The following DNAJC16 variants were observed in gnomAD, a reference collection of about 807,000 sequenced individuals.
DNAJC16 encodes the protein dnaJ homolog subfamily C member 16.
DNAJC16 carries 76 observed loss-of-function variants against 92.7 expected under a neutral mutation model. That is an observed-to-expected ratio of 0.82 (90% confidence interval 0.68 to 0.99). The LOEUF (loss-of-function observed/expected upper bound fraction) is 0.99, where lower values mean the gene tolerates loss of function less well. Among genes scored for constraint, DNAJC16 ranks in the 50% least tolerant of loss-of-function variants. The pLI is 0.00. For synonymous variants in DNAJC16, 328 were observed against 358.7 expected, an observed-to-expected ratio of 0.91 and a Z score of 0.97; for missense variants, 869 against 942.4, an observed-to-expected ratio of 0.92 and a Z score of 1.02.
At chr1:15,541,737 G>A (rs72645803) in intron 4 of DNAJC16, among the ~76,000 whole-genome samples, 41,633 of 152,084 alleles carry the variant, frequency 0.27, 6,529 homozygotes, top group African/African-American at 0.42. Flanking sequence ...AAGGATGCCC[G>A]TCAGCATTCC....
At chr1:15,561,550 T>G (rs1638691527) in intron 8 of DNAJC16, among the ~76,000 whole-genome samples, 1 of 151,048 alleles carries the variant, frequency 6.6e-6, no homozygotes, top group Non-Finnish European at 1.5e-5. Flanking sequence ...TTGGGTGAGG[T>G]GGTGCACGCC....
chr1:15,531,508 T>C (rs1710660185), intron 2 of DNAJC16, among the ~76,000 whole-genome samples: 1 of 152,322 alleles, frequency 6.6e-6, no homozygotes, highest in Middle Eastern at 3.4e-3. Flanking sequence ...TGCAGCAAAT[T>C]CATAAGGTAA....
intron 7 of DNAJC16, 38 bp from the exon 8 acceptor site, chr1:15,559,488 A>G (rs769829795): frequency 4.3e-6 from 7 of 1,612,392 alleles, no homozygotes; most frequent in South Asian, 1.1e-5. Context: ...CATTGAGAAC[A>G]CTGCATAAAA....
At chr1:15,553,523 C>T (rs946697911) in intron 7 of DNAJC16, among the ~76,000 whole-genome samples, 5 of 152,154 alleles carry the variant, frequency 3.3e-5, no homozygotes, top group East Asian at 1.9e-4. Flanking sequence ...CGTGAGTCAC[C>T]GCACCTGGCT....
rs201914457 is a variant in DNAJC16 at position 15,559,545 on chromosome 1, A to G, written c.1043A>G (p.Gln348Arg). The G allele has an allele frequency of 1.0e-4, 165 of 1,614,028 alleles. No homozygotes were observed. Among genetic ancestry groups the G allele is most frequent in the Non-Finnish European group, 1.3e-4 (159 of 1,180,010 alleles). ...DVIQARGMKK[Q>R]IIDDFITRNK... ...CTCTAGGCCCGAGGTATGAAGAAGC[A>G]AATCATTGACGACTTCATCACCCGA... Residue 348 changes from glutamine (Q) to arginine (R), a missense_variant, in exon 8 of 15, where the codon CAA becomes CGA. Transcript: ENST00000375847.
intron 8 of DNAJC16, among the ~76,000 whole-genome samples, chr1:15,561,444 G>A (rs561504027): frequency 1.3e-5 from 2 of 152,198 alleles, no homozygotes; most frequent in Admixed American, 6.5e-5. Context: ...CAGCACTTTG[G>A]GGGGCTGAGG....
intron 7 of DNAJC16, among the ~76,000 whole-genome samples, chr1:15,551,822 C>G (rs1557581069): frequency 6.6e-6 from 1 of 151,776 alleles, no homozygotes; most frequent in African/African-American, 2.4e-5. Context: ...CATCTGAATT[C>G]AGGAGTTCAA....
At chr1:15,535,885 C>G (rs1339431711) in intron 3 of DNAJC16, among the ~76,000 whole-genome samples, 1 of 151,632 alleles carries the variant, frequency 6.6e-6, no homozygotes, top group Admixed American at 6.6e-5. Flanking sequence ...TCACCTCACC[C>G]TCCCAAGTAG....
Position 15,544,510 on chromosome 1 carries a change from T to C in DNAJC16, c.686T>C (p.Phe229Ser). 2.5e-6 allele frequency: 4 copies of C among 1,614,150 alleles called. No homozygotes were observed. Among genetic ancestry groups the C allele is most frequent in the Non-Finnish European group, 3.4e-6 (4 of 1,180,024 alleles). ...LGIINGKISF[F>S]HNAVVRENLR... ...ATCATTAACGGGAAAATCTCCTTCTTCCACAATGCAGTTGTCCGTGAAAAT... is the reference window on the plus strand; with the variant it reads ...ATCATTAACGGGAAAATCTCCTTCTCCCACAATGCAGTTGTCCGTGAAAAT... Residue 229 changes from phenylalanine to serine, a missense_variant, in exon 5 of 15, where the codon TTC becomes TCC. By Grantham distance (155) the Phe-to-Ser change is radical. Transcript: ENST00000375847.
In DNAJC16 at chr1:15,549,505, G is replaced by A. The variant is rs541564166; in HGVS notation, c.1023+1077G>A. On this transcript the variant is annotated intron_variant, in intron 7 of 14. Transcript: ENST00000375847. The stretch of plus-strand genomic sequence containing the variant: ...ACAGTCAACCAGGTCCAAAACATAG[G>A]TGACTACAGTGCAAGAAGATATTTT... Among the ~76,000 whole-genome samples, 6 of 152,212 alleles carry A rather than the reference G, an allele frequency of 3.9e-5. No homozygotes were observed. In the South Asian group the frequency reaches 1.0e-3, roughly 26 times the overall value.
chr1:15,549,851 G>A (rs112132502), intron 7 of DNAJC16, among the ~76,000 whole-genome samples: 1,695 of 151,344 alleles, frequency 0.011, 38 homozygotes, highest in African/African-American at 0.038. Flanking sequence ...TGTTTTGAGC[G>A]AGGGGGACCA....
chr1:15,564,456 A>T (rs1171331148), intron 11 of DNAJC16, 97 bp downstream of exon 11: 1 of 840,164 alleles, frequency 1.2e-6, no homozygotes, highest in African/African-American at 1.7e-5. Context: ...ATTTCAAGGT[A>T]CACTTGATGG....
chr1:15,550,956 G>A (rs1316938724), intron 7 of DNAJC16, among the ~76,000 whole-genome samples: 1 of 152,092 alleles, frequency 6.6e-6, no homozygotes. Context: ...TGCAACCTCC[G>A]CCTCCCGGGT....
chr1:15,548,164 G>A (rs897856743), intron 6 of DNAJC16, 106 bp from the exon 7 acceptor site: 14 of 1,086,568 alleles, frequency 1.3e-5, no homozygotes, highest in Non-Finnish European at 1.8e-5. Flanking sequence ...AGCTGTGTAA[G>A]CTGGCATGTA....
chr1:15,540,359 A>G (rs1710905480), intron 4 of DNAJC16, among the ~76,000 whole-genome samples: 1 of 152,138 alleles, frequency 6.6e-6, no homozygotes, highest in South Asian at 2.1e-4. Context: ...CCACAAATGT[A>G]AAACACCAAA....
chr1:15,544,050 T>C (rs1166080850), intron 4 of DNAJC16, among the ~76,000 whole-genome samples: 3 of 152,106 alleles, frequency 2.0e-5, no homozygotes, highest in South Asian at 2.1e-4. Context: ...GCAGAGTAAC[T>C]GGCCCTCCAA....
At position 15,567,193 on chromosome 1, in the gene DNAJC16, G is replaced by A. The variant is rs1638832683; in HGVS notation, c.1873G>A (p.Val625Met). 6.2e-7 allele frequency: 1 copy of A among 1,614,166 alleles called. No homozygotes were observed. Among genetic ancestry groups the A allele is most frequent in the Non-Finnish European group, 8.5e-7 (1 of 1,180,000 alleles). ...ACGTCTGAGGCCAGGCCACATGAAT[G>A]TGGTCCTCATCCTGTCGAATTCTAC... ...LVRLRPGHMN[V>M]VLILSNSTKT... is the part of the protein sequence containing the mutation. The change falls in exon 14 of 15, where the codon GTG (valine) becomes ATG (methionine). Residue 625 changes from valine to methionine, a missense_variant. Val to Met is a conservative substitution (Grantham distance 21). Transcript: ENST00000375847.
chr1:15,544,632 C>T (rs780990943), intron 5 of DNAJC16, 49 bp downstream of exon 5: 1 of 1,577,758 alleles, frequency 6.3e-7, no homozygotes, highest in Non-Finnish European at 8.6e-7. Context: ...TTAAGAGGTA[C>T]CTAGGACTGT....
intron 7 of DNAJC16, among the ~76,000 whole-genome samples, chr1:15,556,143 T>A (rs1175852066): frequency 2.6e-4 from 39 of 150,808 alleles, no homozygotes; most frequent in African/African-American, 6.3e-4. Context: ...TTTTTTTTTT[T>A]AATTTTGGAA....
Sources: allele counts gnomAD v4.1 joint callset (sites outside exome capture counted in the v4.1 genomes callset), GRCh38; gene constraint gnomAD v4.1.1; transcripts MANE v1.5; gene names NCBI Gene and HGNC (gene_info 2026-07-23, HGNC 2026-07-21).